The following ACAN variants were observed in gnomAD, a reference collection of about 807,000 sequenced individuals.
ACAN encodes aggrecan core protein.
ACAN carries 47 observed loss-of-function variants against 169.1 expected under a neutral mutation model. The ratio of observed to expected loss-of-function variants is 0.28; its 90% CI spans 0.22 to 0.35. The LOEUF is 0.35. ACAN is among the 10% of genes least tolerant of loss of function. The pLI, the probability that ACAN is intolerant of heterozygous loss-of-function variation, is 1.00. For missense variants in ACAN, 2,716 were observed against 2,759.9 expected, an observed-to-expected ratio of 0.98 and a Z score of 0.36; for synonymous variants, 1,115 against 1,112.2, an observed-to-expected ratio of 1.00 and a Z score of -0.05.
chr15:88,840,326 C>G (rs1896620458), intron 4 of ACAN, 140 bp downstream of exon 4: 3 of 1,062,618 alleles, frequency 2.8e-6, no homozygotes, highest in Non-Finnish European at 3.9e-6. Flanking sequence ...AGGCCGTGGT[C>G]ACACCTTGGC....
Position 88,868,308 on chromosome 15 carries a change from G to A in ACAN, c.7039G>A (p.Glu2347Lys), listed in dbSNP as rs548481167. 2.8e-4 allele frequency: 196 copies of A among 702,802 alleles called. 1 individual carries two copies. In the East Asian group the frequency reaches 4.6e-3, roughly 17 times the overall value. The allele number at this position is 702,802 out of a possible 1,614,324, so 43.5% of individuals were successfully genotyped here. Residue 2347 changes from glutamate (E) to lysine (K), a missense_variant, in exon 14 of 19, where the codon GAA (glutamate) becomes AAA (lysine). Transcript: ENST00000560601. This position sits in a 1 kb window ranked among gnomAD's most constrained non-coding sequence, Gnocchi z 5.2. ...CACATGCTTATGCCTTCCCAGCTACGAAGGGGACCTGTGTGAGATTGGTAC... is the reference window on the plus strand; with the variant it reads ...CACATGCTTATGCCTTCCCAGCTACAAAGGGGACCTGTGTGAGATTGGTAC... ...SFTCLCLPSY[E>K]GDLCEIDQEV...
intron 1 of ACAN, among the ~76,000 whole-genome samples, chr15:88,830,635 T>A (rs1232592569): frequency 6.6e-6 from 1 of 152,076 alleles, no homozygotes; most frequent in Non-Finnish European, 1.5e-5. Context: ...TCTAAACCTA[T>A]AAAAGATACA....
chr15:88,821,215 C>T (rs1252906811), intron 1 of ACAN, among the ~76,000 whole-genome samples: 23 of 152,224 alleles, frequency 1.5e-4, no homozygotes, highest in Admixed American at 1.4e-3. Context: ...CCAGGGTTCA[C>T]TGCAGCCTTG....
Position 88,853,785 on chromosome 15 carries a change from C to T in ACAN, c.2267-1067C>T, listed in dbSNP as rs187409472. ...ACATACATACATACATACATACATACGTACATACATACATACCTATCAAAA... is the reference window on the plus strand; with the variant it reads ...ACATACATACATACATACATACATATGTACATACATACATACCTATCAAAA... On this transcript the variant is annotated intron_variant, in intron 11 of 18. Coordinates refer to ENST00000560601, the MANE Select transcript of ACAN (RefSeq NM_001369268.1). Among the ~76,000 whole-genome samples, 169 of 151,326 alleles carry T rather than the reference C, an allele frequency of 1.1e-3. 1 individual carries two copies. Among genetic ancestry groups the T allele is most frequent in the African/African-American group, 3.9e-3 (162 of 41,298 alleles).
Position 88,847,901 on chromosome 15 carries a change from T to C in ACAN, c.1605-10T>C. 1 of 1,612,650 alleles carries C rather than the reference T, an allele frequency of 6.2e-7. No individual in the cohort carries two copies. Among genetic ancestry groups the C allele is most frequent in the Non-Finnish European group, 8.5e-7 (1 of 1,179,068 alleles). On this transcript the variant is annotated splice_polypyrimidine_tract_variant and intron_variant, in intron 8 of 18. Transcript: ENST00000560601. ...AGGCCTTCATCTTCTCCTCCCACTCTCCTTTGCAGATACCCCATTGTGAGC... is the reference window on the plus strand; with the variant it reads ...AGGCCTTCATCTTCTCCTCCCACTCCCCTTTGCAGATACCCCATTGTGAGC...
chr15:88,857,354 C>G lies in ACAN; in HGVS notation c.4769C>G (p.Pro1590Arg). 2 of 1,613,918 alleles carry G rather than the reference C, an allele frequency of 1.2e-6. No individual in the cohort carries two copies. The highest frequency in any genetic ancestry group is 1.7e-6 in the Non-Finnish European group (2 of 1,179,896). ...GGAGCTGAGGACCTCAGTGGGTTGCCTTCTGGAAAAGAAGACTTGGTGGGG... is the reference window on the plus strand; with the variant it reads ...GGAGCTGAGGACCTCAGTGGGTTGCGTTCTGGAAAAGAAGACTTGGTGGGG... ...ASGAEDLSGLPSGKEDLVGSA... is the reference protein window; with the variant it reads ...ASGAEDLSGLRSGKEDLVGSA... Residue 1590 changes from proline (P) to arginine (R), a missense_variant, in exon 12 of 19, where the codon CCT (proline) becomes CGT (arginine). Physicochemically the swap from Pro to Arg is moderately radical, Grantham distance 103. Transcript: ENST00000560601.
In ACAN at chr15:88,839,776, A is replaced by T. The variant is rs1896601335; in HGVS notation, c.455-236A>T. On this transcript the variant is annotated intron_variant, in intron 3 of 18. Transcript: ENST00000560601. The surrounding 1 kb of genome is among the most constrained non-coding windows in gnomAD (Gnocchi z 4.5). ...TTCAAAGAACTTTCTCTTTATCAGTATTATCATAAGTCTTTAAAAAGGAAT... is the reference window on the plus strand; with the variant it reads ...TTCAAAGAACTTTCTCTTTATCAGTTTTATCATAAGTCTTTAAAAAGGAAT... Among the ~76,000 whole-genome samples the T allele has an allele frequency of 6.6e-6, 1 of 152,236 alleles. No homozygotes were observed. The highest frequency in any genetic ancestry group is 1.5e-5 in the Non-Finnish European group (1 of 68,034).
chr15:88,812,622 A>G (rs116872049), intron 1 of ACAN, among the ~76,000 whole-genome samples: 2,899 of 151,454 alleles, frequency 0.019, 39 homozygotes, highest in Non-Finnish European at 0.028. Context: ...AGGGCTTTGC[A>G]TGGCTGGTTC....
In ACAN at chr15:88,868,034, G is replaced by A. The variant is rs187414881; in HGVS notation, c.6947-182G>A. On this transcript the variant is annotated intron_variant, in intron 13 of 18. Coordinates refer to ENST00000560601, the MANE Select transcript of ACAN (RefSeq NM_001369268.1). This position sits in a 1 kb window ranked among gnomAD's most constrained non-coding sequence, Gnocchi z 5.2. The stretch of plus-strand genomic sequence containing the variant: ...CAAGAAAACCCTTGTCTGGATCTTT[G>A]CTTCAGCACTCCAAGATGGCAGCAG... 6.6e-6 allele frequency among the ~76,000 whole-genome samples: 1 copy of A among 152,262 alleles called. No individual in the cohort carries two copies. The highest frequency in any genetic ancestry group is 6.5e-5 in the Admixed American group (1 of 15,296).
Position 88,857,966 on chromosome 15 carries a change from A to T in ACAN, c.5381A>T (p.Asp1794Val), listed in dbSNP as rs893572764. The change falls in exon 12 of 19, where the codon GAT becomes GTT. Residue 1794 changes from aspartate (D) to valine (V), a missense_variant. Coordinates refer to ENST00000560601, the MANE Select transcript of ACAN (RefSeq NM_001369268.1). ...DLSGETSGVPDLSGQPSGLPG... is the reference protein window; with the variant it reads ...DLSGETSGVPVLSGQPSGLPG... ...AGTGGAGAAACATCTGGGGTCCCTGATCTCAGTGGGCAGCCTTCAGGGTTA... is the reference window on the plus strand; with the variant it reads ...AGTGGAGAAACATCTGGGGTCCCTGTTCTCAGTGGGCAGCCTTCAGGGTTA... 3 of 1,613,666 alleles carry T rather than the reference A, an allele frequency of 1.9e-6. No homozygotes were observed. The African/African-American group carries it at 4.0e-5, about 22-fold the overall frequency.
In ACAN at chr15:88,872,038, G is replaced by T; in HGVS notation, c.7255G>T (p.Asp2419Tyr). 1 of 1,613,948 alleles carries T rather than the reference G, an allele frequency of 6.2e-7. No homozygotes were observed. The highest frequency in any genetic ancestry group is 8.5e-7 in the Non-Finnish European group (1 of 1,179,924). The change falls in exon 16 of 19, where the codon GAC becomes TAC. Residue 2419 changes from aspartate to tyrosine, a missense_variant. Physicochemically the swap from Asp to Tyr is radical, Grantham distance 160. This residue lies in a region of ACAN where 1,389 missense variants were observed against 1,363.7 expected (regional missense o/e 1.02). Transcript: ENST00000560601. The surrounding 1 kb of genome is among the most constrained non-coding windows in gnomAD (Gnocchi z 5.4). The stretch of plus-strand genomic sequence containing the variant: ...AGACTACCAGTGGATCGGCCTGAAC[G>T]ACAGGACCATCGAAGGGGACTTCCG... ...AQDYQWIGLN[D>Y]RTIEGDFRWS...
chr15:88,854,098 CT>C (rs1341983598), intron 11 of ACAN, among the ~76,000 whole-genome samples: 1 of 152,174 alleles, frequency 6.6e-6, no homozygotes, highest in African/African-American at 2.4e-5. Context: ...GTGGGGTTTC[CT>C]TTTTTCATTT....
rs1443151178 is a variant in ACAN at position 88,807,724 on chromosome 15, C to G, written c.-8+3915C>G. ...ACGGTGGAGTTTACTTTTAAAAACT[C>G]AGAGCCTCCTTATAAGTGGTGGAGT... is the stretch of plus-strand genomic sequence containing the variant. On this transcript the variant is annotated intron_variant, in intron 1 of 18. Transcript: ENST00000560601. This position sits in a 1 kb window ranked among gnomAD's most constrained non-coding sequence, Gnocchi z 4.0. Among the ~76,000 whole-genome samples, 1 of 150,972 alleles carries G rather than the reference C, an allele frequency of 6.6e-6. No homozygotes were observed. Among genetic ancestry groups the G allele is most frequent in the Non-Finnish European group, 1.5e-5 (1 of 67,812 alleles).
Position 88,873,737 on chromosome 15 carries a change from G to A in ACAN, c.7448-105G>A. On this transcript the variant is annotated intron_variant, in intron 17 of 18. Transcript: ENST00000560601. The surrounding 1 kb of genome is among the most constrained non-coding windows in gnomAD (Gnocchi z 7.5). ...TGCATGAAAACGTCCAGGGCTCACT[G>A]TCAGATGTTGAGGCTGTGTCCCCCA... The A allele has an allele frequency of 8.1e-7, 1 of 1,238,948 alleles. No individual in the cohort carries two copies. Among genetic ancestry groups the A allele is most frequent in the South Asian group, 1.4e-5 (1 of 70,026 alleles). The allele number at this position is 1,238,948 out of a possible 1,614,324, so 76.7% of individuals were successfully genotyped here.
At chr15:88,820,606 A>G (rs948964905) in intron 1 of ACAN, among the ~76,000 whole-genome samples, 6 of 151,924 alleles carry the variant, frequency 3.9e-5, no homozygotes, top group African/African-American at 1.5e-4. Context: ...CCACCTCTAC[A>G]TGTCATATTG....
In ACAN at chr15:88,872,977, G is replaced by T; in HGVS notation, c.7399G>T (p.Asp2467Tyr). 6.2e-7 allele frequency: 1 copy of T among 1,613,830 alleles called. No individual in the cohort carries two copies. Among genetic ancestry groups the T allele is most frequent in the Non-Finnish European group, 8.5e-7 (1 of 1,179,880 alleles). Residue 2467 changes from aspartate (D) to tyrosine (Y), a missense_variant, in exon 17 of 19, where the codon GAT becomes TAT. By Grantham distance (160) the Asp-to-Tyr change is radical. Coordinates refer to ENST00000560601, the MANE Select transcript of ACAN (RefSeq NM_001369268.1). The surrounding 1 kb of genome is among the most constrained non-coding windows in gnomAD (Gnocchi z 5.4). ...CTGGCACGAGAAGGGCGAGTGGAAT[G>T]ATGTTCCCTGCAATTACCACCTCCC... The part of the protein sequence containing the change: ...MIWHEKGEWN[D>Y]VPCNYHLPFT...
chr15:88,871,117 A>G lies in ACAN; in HGVS notation c.7061-265A>G, dbSNP rs1897368022. On this transcript the variant is annotated intron_variant, in intron 14 of 18. Coordinates refer to ENST00000560601, the MANE Select transcript of ACAN (RefSeq NM_001369268.1). The surrounding 1 kb of genome is among the most constrained non-coding windows in gnomAD (Gnocchi z 7.8). ...AGCAGAGCAGGCATCAAGAGGAGGA[A>G]AGCTTGGGAGAGGGTGAGGGGGGAG... 6.6e-6 allele frequency among the ~76,000 whole-genome samples: 1 copy of G among 152,130 alleles called. No homozygotes were observed. The highest frequency in any genetic ancestry group is 2.4e-5 in the African/African-American group (1 of 41,430).
At chr15:88,819,183 C>T (rs750487583) in intron 1 of ACAN, among the ~76,000 whole-genome samples, 1 of 152,092 alleles carries the variant, frequency 6.6e-6, no homozygotes, top group Non-Finnish European at 1.5e-5. Flanking sequence ...TGGGGACATG[C>T]CAGAGACAGC....
intron 8 of ACAN, 124 bp from the exon 9 acceptor site, chr15:88,847,787 G>C (rs2141587035): frequency 1.6e-6 from 2 of 1,280,492 alleles, no homozygotes; most frequent in East Asian, 2.5e-5. Flanking sequence ...TTCCTGGTTT[G>C]AATACCACCA....
Sources: allele counts gnomAD v4.1 joint callset (sites outside exome capture counted in the v4.1 genomes callset), GRCh38; gene constraint gnomAD v4.1.1; regional missense constraint gnomAD v4.1.1; non-coding constraint Gnocchi (gnomAD v3.1); transcripts MANE v1.5; gene names NCBI Gene and HGNC (gene_info 2026-07-23, HGNC 2026-07-21).